TATDN1: variants seen among roughly 807,000 people sequenced by gnomAD.
TATDN1 encodes the protein TatD DNase domain containing 1.
TATDN1 carries 40 observed loss-of-function variants against 46.4 expected under a neutral mutation model. That is an observed-to-expected ratio of 0.86 (90% CI 0.67 to 1.12). The LOEUF is 1.12. Ranked by LOEUF, TATDN1 falls within the 50% of genes most tolerant of loss-of-function variation. The probability of loss-of-function intolerance (pLI) is 0.00; values close to 1 mark genes in which losing one functional copy is unlikely to be tolerated. For missense variants in TATDN1, 326 were observed against 348.4 expected (o/e 0.94, Z 0.51); for synonymous variants, 95 against 105.6 (o/e 0.90, Z 0.62).
chr8:124,489,389 TTTTTCTTTCCTTTC>T (rs1372892938), intron 11 of TATDN1: 10 of 148,384 alleles, frequency 6.7e-5, no homozygotes, highest in Non-Finnish European at 1.0e-4. Flanking sequence ...CTTTCCTTTC[TTTTTCTTTCCTTTC>T]TTTTTTTTTT....
At chr8:124,528,039 A>C (rs932050045) in intron 1 of TATDN1, among the ~76,000 whole-genome samples, 1 of 152,210 alleles carries the variant, frequency 6.6e-6, no homozygotes, top group Non-Finnish European at 1.5e-5. Context: ...GATGGAGACT[A>C]TGAATATGAC....
rs79043230 is a variant in TATDN1 at position 124,496,823 on chromosome 8, T to C, written c.594-1281A>G. 4.0e-3 allele frequency among the ~76,000 whole-genome samples: 610 copies of C among 152,316 alleles called. 5 individuals carry two copies. The highest frequency in any genetic ancestry group is 0.014 in the African/African-American group (573 of 41,560). On this transcript the variant is annotated intron_variant, in intron 9 of 11. Coordinates refer to ENST00000276692, the MANE Select transcript of TATDN1 (RefSeq NM_032026.4). ...AATTAGGTAATATGGACCTCTCATA[T>C]AGTTATCACCCAGCCCCATCAATCA... is the stretch of plus-strand genomic sequence containing the variant.
At chr8:124,501,147 G>A (rs1386490951) in intron 9 of TATDN1, among the ~76,000 whole-genome samples, 1 of 152,236 alleles carries the variant, frequency 6.6e-6, no homozygotes, top group African/African-American at 2.4e-5. Context: ...GCACAGGCCT[G>A]AGCATGGAGA....
chr8:124,527,712 A>G (rs1820620962), intron 1 of TATDN1, among the ~76,000 whole-genome samples: 1 of 151,806 alleles, frequency 6.6e-6, no homozygotes, highest in Non-Finnish European at 1.5e-5. Flanking sequence ...ATGTTTCCCC[A>G]TTTTAGCCAC....
chr8:124,521,892 A>G (rs771450652), intron 3 of TATDN1: 35 of 316,390 alleles, frequency 1.1e-4, no homozygotes, highest in Non-Finnish European at 1.5e-4. Context: ...GGTAATTCAC[A>G]TAGGTTTAAA....
intron 6 of TATDN1, among the ~76,000 whole-genome samples, chr8:124,510,395 C>T (rs147654380): frequency 1.3e-5 from 2 of 152,204 alleles, no homozygotes; most frequent in East Asian, 3.8e-4. Flanking sequence ...CACTGCTCCA[C>T]GCTGTACTGG....
intron 4 of TATDN1, among the ~76,000 whole-genome samples, chr8:124,518,290 T>C (rs1229596871): frequency 2.9e-5 from 4 of 139,806 alleles, no homozygotes; most frequent in Non-Finnish European, 6.1e-5. Context: ...TTTGGGAGGC[T>C]GAGGCGGGTG....
At chr8:124,527,103 T>C (rs975032631) in intron 1 of TATDN1, among the ~76,000 whole-genome samples, 5 of 152,182 alleles carry the variant, frequency 3.3e-5, no homozygotes, top group Non-Finnish European at 7.3e-5. Flanking sequence ...AAAGCAACCA[T>C]TTCAAAGGAA....
chr8:124,513,945 TA>T (rs1421614473), intron 6 of TATDN1, among the ~76,000 whole-genome samples: 2 of 152,218 alleles, frequency 1.3e-5, no homozygotes, highest in Non-Finnish European at 2.9e-5. Context: ...CTGGCCTACA[TA>T]ATATTCGACA....
chr8:124,528,649 G>C (rs1031116288), intron 1 of TATDN1, among the ~76,000 whole-genome samples: 2 of 152,250 alleles, frequency 1.3e-5, no homozygotes, highest in Middle Eastern at 3.4e-3. Flanking sequence ...CAGCTATCTT[G>C]AGGTGGGAAA....
At chr8:124,505,020 G>T (rs1818293887) in intron 8 of TATDN1, among the ~76,000 whole-genome samples, 1 of 150,260 alleles carries the variant, frequency 6.7e-6, no homozygotes, top group South Asian at 2.2e-4. Context: ...CTCCCAAAAT[G>T]CTGGGATTAC....
chr8:124,529,020 C>T (rs958051826), intron 1 of TATDN1, among the ~76,000 whole-genome samples: 1 of 152,200 alleles, frequency 6.6e-6, no homozygotes, highest in Non-Finnish European at 1.5e-5. Context: ...ACCTAGATAA[C>T]GGACACCTGG....
chr8:124,498,325 A>T (rs1425809557), intron 9 of TATDN1, among the ~76,000 whole-genome samples: 1 of 152,150 alleles, frequency 6.6e-6, no homozygotes, highest in Non-Finnish European at 1.5e-5. Context: ...TGTTAGGCTC[A>T]TGGTTCTCTA....
intron 10 of TATDN1, chr8:124,494,237 T>C (rs1157262998): frequency 9.3e-6 from 2 of 215,258 alleles, no homozygotes; most frequent in Non-Finnish European, 1.8e-5. Flanking sequence ...TACAATTGTA[T>C]AACAACATGA....
At chr8:124,529,058 C>G (rs1820739335) in intron 1 of TATDN1, among the ~76,000 whole-genome samples, 1 of 152,220 alleles carries the variant, frequency 6.6e-6, no homozygotes, top group Non-Finnish European at 1.5e-5. Flanking sequence ...ATGAGCAATC[C>G]TGAGTCTGTC....
chr8:124,495,426 G>A (rs1473860351), intron 10 of TATDN1, 46 bp downstream of exon 10: 1 of 1,441,556 alleles, frequency 6.9e-7, no homozygotes, highest in Non-Finnish European at 9.5e-7. Context: ...TTTCCTTTTT[G>A]TTTGGTATGG....
At chr8:124,525,628 TAA>T (rs1259536749) in intron 1 of TATDN1, among the ~76,000 whole-genome samples, 1 of 152,184 alleles carries the variant, frequency 6.6e-6, no homozygotes, top group Non-Finnish European at 1.5e-5. Context: ...TTTTGCAAAT[TAA>T]AAGTCTTATT....
chr8:124,516,496 G>A (rs903136317), intron 4 of TATDN1, among the ~76,000 whole-genome samples: 2 of 151,048 alleles, frequency 1.3e-5, no homozygotes, highest in African/African-American at 2.4e-5. Context: ...TTTTGGTAGA[G>A]ACAGGGTTTC....
chr8:124,494,418 A>C (rs1817282925), intron 10 of TATDN1: 1 of 152,672 alleles, frequency 6.5e-6, no homozygotes, highest in African/African-American at 2.4e-5. Flanking sequence ...CTTTTAATCA[A>C]ATATTTTGTT....
Sources: gnomAD v4.1 joint callset for allele counts (sites outside exome capture counted in the v4.1 genomes callset) on GRCh38, gnomAD v4.1.1 for gene constraint, MANE v1.5 for transcripts, NCBI Gene and HGNC (gene_info 2026-07-23, HGNC 2026-07-21) for gene names.